Variants in KCNQ5 observed in about 807,000 individuals in gnomAD.
The protein encoded by KCNQ5 is potassium voltage-gated channel subfamily KQT member 5.
In KCNQ5, 30 loss-of-function variants were observed where a neutral mutation model predicts 98.2. That is an observed-to-expected ratio of 0.31 (90% CI 0.23 to 0.41). The LOEUF is 0.41. KCNQ5 is among the 10% of genes least tolerant of loss of function. KCNQ5 has a pLI of 1.00. For missense variants in KCNQ5, 835 were observed against 1,182.5 expected (o/e 0.71, Z 4.31); for synonymous variants, 458 against 449.4 (o/e 1.02, Z -0.24).
chr6:72,839,650 GT>G (rs770819310), intron 1 of KCNQ5, among the ~76,000 whole-genome samples: 1 of 151,968 alleles, frequency 6.6e-6, no homozygotes, highest in East Asian at 1.9e-4. Flanking sequence ...CTTTTGTTTT[GT>G]TTTTTATTTA....
At chr6:72,854,480 T>A (rs1777434615) in intron 1 of KCNQ5, among the ~76,000 whole-genome samples, 2 of 151,738 alleles carry the variant, frequency 1.3e-5, no homozygotes, top group African/African-American at 4.8e-5. Flanking sequence ...ATGTAAAAAA[T>A]TCAATATTAC....
At chr6:73,129,933 C>T in intron 9 of KCNQ5, 1 of 1,045,454 alleles carries the variant, frequency 9.6e-7, no homozygotes, top group Non-Finnish European at 1.5e-6. Context: ...CGCCACCCCA[C>T]CTGAGCCCTG....
chr6:72,857,604 T>A (rs547850760), intron 1 of KCNQ5, among the ~76,000 whole-genome samples: 1 of 152,246 alleles, frequency 6.6e-6, no homozygotes, highest in Non-Finnish European at 1.5e-5. Context: ...AGAATGTAAG[T>A]GAGCATCTAT....
chr6:72,942,914 G>A (rs1478921442), intron 1 of KCNQ5, among the ~76,000 whole-genome samples: 5 of 152,106 alleles, frequency 3.3e-5, no homozygotes, highest in East Asian at 3.8e-4. Flanking sequence ...ACTTTATGCC[G>A]TATTTGGCAT....
At chr6:72,955,246 C>G (rs1490921375) in intron 1 of KCNQ5, among the ~76,000 whole-genome samples, 1 of 152,076 alleles carries the variant, frequency 6.6e-6, no homozygotes, top group East Asian at 1.9e-4. Context: ...ATTGTGTAGT[C>G]TGAATAACCA....
At chr6:72,756,149 G>T (rs771983328) in intron 1 of KCNQ5, among the ~76,000 whole-genome samples, 2 of 152,124 alleles carry the variant, frequency 1.3e-5, no homozygotes, top group Non-Finnish European at 2.9e-5. Context: ...CATTTGTAGG[G>T]AGGCCACCTA....
At chr6:73,058,304 C>T (rs182060694) in intron 3 of KCNQ5, among the ~76,000 whole-genome samples, 1,614 of 152,090 alleles carry the variant, frequency 0.011, 17 homozygotes, top group Non-Finnish European at 0.018. Context: ...CCCAGCTACT[C>T]GGGAGGCTGA....
At chr6:73,031,946 T>A (rs1440550932) in intron 2 of KCNQ5, among the ~76,000 whole-genome samples, 1 of 152,076 alleles carries the variant, frequency 6.6e-6, no homozygotes, top group Non-Finnish European at 1.5e-5. Flanking sequence ...ACATAACTCC[T>A]CCGTAAGAAA....
intron 1 of KCNQ5, among the ~76,000 whole-genome samples, chr6:72,735,358 A>G (rs1200929092): frequency 6.6e-6 from 1 of 152,190 alleles, no homozygotes; most frequent in Non-Finnish European, 1.5e-5. Flanking sequence ...AGCATTGAAG[A>G]CATTATTTGC....
chr6:73,045,427 T>A (rs931361755), intron 3 of KCNQ5, among the ~76,000 whole-genome samples: 3 of 152,166 alleles, frequency 2.0e-5, no homozygotes, highest in Non-Finnish European at 4.4e-5. Flanking sequence ...GTGTTCAATT[T>A]TTATCTCTCC....
At chr6:72,637,012 G>T (rs963361001) in intron 1 of KCNQ5, among the ~76,000 whole-genome samples, 8 of 151,480 alleles carry the variant, frequency 5.3e-5, no homozygotes, top group Admixed American at 5.3e-4. Context: ...TTCTGCTCAG[G>T]GCATTCCCAC....
intron 1 of KCNQ5, among the ~76,000 whole-genome samples, chr6:72,962,326 A>G (rs1767418059): frequency 6.7e-6 from 1 of 150,292 alleles, no homozygotes. Flanking sequence ...GAGTGATAAA[A>G]TAGACATCAG....
chr6:72,895,168 A>C (rs1282300684), intron 1 of KCNQ5, among the ~76,000 whole-genome samples: 1 of 149,814 alleles, frequency 6.7e-6, no homozygotes. Flanking sequence ...GGGCGCCTGT[A>C]GTCCCAGCTA....
intron 1 of KCNQ5, among the ~76,000 whole-genome samples, chr6:72,795,886 T>A (rs1438638880): frequency 1.3e-5 from 2 of 152,148 alleles, no homozygotes; most frequent in Admixed American, 6.6e-5. Context: ...TTTGTATATA[T>A]ATATATATGT....
At chr6:72,849,403 C>G (rs571202717) in intron 1 of KCNQ5, among the ~76,000 whole-genome samples, 1 of 152,134 alleles carries the variant, frequency 6.6e-6, no homozygotes, top group Non-Finnish European at 1.5e-5. Context: ...TACATTCCCA[C>G]CAACAGTATG....
At chr6:72,675,838 G>A (rs572656031) in intron 1 of KCNQ5, among the ~76,000 whole-genome samples, 26 of 152,166 alleles carry the variant, frequency 1.7e-4, no homozygotes, top group Non-Finnish European at 3.4e-4. Context: ...TATGAGATGG[G>A]AGCATTGGCT....
At chr6:73,023,448 GA>G (rs1253079856) in intron 2 of KCNQ5, among the ~76,000 whole-genome samples, 1 of 152,168 alleles carries the variant, frequency 6.6e-6, no homozygotes, top group East Asian at 1.9e-4. Flanking sequence ...GCTATGTAGA[GA>G]AAAAGAAGGG....
intron 1 of KCNQ5, among the ~76,000 whole-genome samples, chr6:72,853,261 G>A (rs931498814): frequency 2.2e-4 from 34 of 152,236 alleles, no homozygotes; most frequent in African/African-American, 7.9e-4. Flanking sequence ...TGTAAAAAGT[G>A]CTTTGAGATT....
Position 72,836,442 on chromosome 6 carries a change from G to GTA in KCNQ5, c.399-167454_399-167453dup, listed in dbSNP as rs1391865358. 7.3e-5 allele frequency among the ~76,000 whole-genome samples: 11 copies of GTA among 151,332 alleles called. No individual in the cohort carries two copies. The East Asian group carries it at 9.7e-4, about 13-fold the overall frequency. ...AATTTGGTGCTCTCTCTCTGTGTGT[G>GTA]TATATATATATATTTGAGACAGGGT... is the stretch of plus-strand genomic sequence containing the variant. On this transcript the variant is annotated intron_variant, in intron 1 of 13. Transcript: ENST00000370398.
Sources: gnomAD v4.1 joint callset for allele counts (sites outside exome capture counted in the v4.1 genomes callset) on GRCh38, gnomAD v4.1.1 for gene constraint, MANE v1.5 for transcripts, NCBI Gene and HGNC (gene_info 2026-07-23, HGNC 2026-07-21) for gene names.